Variants in BMERB1 observed in about 807,000 individuals in gnomAD.
The protein encoded by BMERB1 is bMERB domain-containing protein 1.
Under a neutral mutation model 23.6 loss-of-function variants are expected in BMERB1, and 12 were observed. The observed-to-expected ratio is 0.51, with a 90% CI of 0.33 to 0.82. The LOEUF is 0.82. Ranked by LOEUF, BMERB1 falls within the 40% of genes least tolerant of loss-of-function variation. The pLI is 0.03. For synonymous variants in BMERB1, 122 were observed against 96.6 expected (o/e 1.26, Z -1.54); for missense variants, 247 against 255.4 (o/e 0.97, Z 0.22).
intron 1 of BMERB1, among the ~76,000 whole-genome samples, chr16:15,463,909 T>G (rs1598452711): frequency 6.6e-6 from 1 of 151,936 alleles, no homozygotes; most frequent in East Asian, 1.9e-4. Flanking sequence ...CATAAAACTA[T>G]TACTGGAAAG....
At chr16:15,570,808 T>C (rs1223189408) in intron 3 of BMERB1, among the ~76,000 whole-genome samples, 1 of 151,984 alleles carries the variant, frequency 6.6e-6, no homozygotes, top group Admixed American at 6.5e-5. Context: ...GGGTGGGCAA[T>C]TCCCACAACT....
At chr16:15,462,210 G>T (rs905851781) in intron 1 of BMERB1, among the ~76,000 whole-genome samples, 1 of 133,850 alleles carries the variant, frequency 7.5e-6, no homozygotes, top group African/African-American at 2.8e-5. Flanking sequence ...GGAGTGCAAT[G>T]GCGCCATCTT....
intron 1 of BMERB1, among the ~76,000 whole-genome samples, chr16:15,498,294 T>TG (rs1388113787): frequency 1.3e-5 from 2 of 151,944 alleles, no homozygotes; most frequent in African/African-American, 4.8e-5. Context: ...CCCATCAGCT[T>TG]GGGGGTCTGA....
chr16:15,489,936 G>C (rs372946801), intron 1 of BMERB1, among the ~76,000 whole-genome samples: 1 of 151,762 alleles, frequency 6.6e-6, no homozygotes, highest in African/African-American at 2.4e-5. Flanking sequence ...GCTCGATCTC[G>C]GCTGGCTGCA....
intron 2 of BMERB1, among the ~76,000 whole-genome samples, chr16:15,536,362 C>T (rs1002167776): frequency 5.3e-5 from 8 of 152,116 alleles, no homozygotes; most frequent in African/African-American, 1.7e-4. Flanking sequence ...ACCCCTCTAC[C>T]TGTTTCCCCT....
At position 15,568,001 on chromosome 16, in the gene BMERB1, C is replaced by G; in HGVS notation, c.249C>G (p.Leu83=). The G allele has an allele frequency of 6.2e-7, 1 of 1,614,016 alleles. No individual in the cohort carries two copies. Among genetic ancestry groups the G allele is most frequent in the East Asian group, 2.2e-5 (1 of 44,880 alleles). Residue 83 remains leucine, a synonymous_variant, in exon 3 of 6, where the codon CTC becomes CTG. Coordinates refer to ENST00000300006, the MANE Select transcript of BMERB1 (RefSeq NM_033201.3). ...ELRFMMDDIQ[L]CKDIMDLKQE... is the part of the protein sequence containing the mutation. ...TCCCCAGGATGGATGACATCCAGCT[C>G]TGCAAGGACATCATGGACTTGAAGC...
chr16:15,583,685 G>A (rs1454017923), intron 5 of BMERB1, among the ~76,000 whole-genome samples: 3 of 152,186 alleles, frequency 2.0e-5, no homozygotes, highest in Admixed American at 6.5e-5. Context: ...TTCAGCATGG[G>A]ATGACAGCAG....
At chr16:15,550,767 CTCTGGAGTTAG>C (rs2030066418) in intron 2 of BMERB1, among the ~76,000 whole-genome samples, 1 of 152,184 alleles carries the variant, frequency 6.6e-6, no homozygotes, top group Non-Finnish European at 1.5e-5. Flanking sequence ...ATTGTCAGGG[CTCTGGAGTTAG>C]ACTGTCTTCT....
intron 1 of BMERB1, among the ~76,000 whole-genome samples, chr16:15,456,635 A>G (rs1157566505): frequency 1.3e-5 from 2 of 151,944 alleles, no homozygotes; most frequent in South Asian, 4.2e-4. Flanking sequence ...CAAAAAAAGT[A>G]TCTTGTGTTT....
chr16:15,482,818 A>C (rs1304783193), intron 1 of BMERB1, among the ~76,000 whole-genome samples: 2 of 152,228 alleles, frequency 1.3e-5, no homozygotes, highest in Non-Finnish European at 2.9e-5. Flanking sequence ...TATTTTATTC[A>C]GCATTTATCC....
intron 1 of BMERB1, among the ~76,000 whole-genome samples, chr16:15,462,679 A>T (rs2051146160): frequency 6.6e-6 from 1 of 152,192 alleles, no homozygotes; most frequent in Non-Finnish European, 1.5e-5. Flanking sequence ...AGCGTTCAAG[A>T]GTCTGAGAGA....
intron 2 of BMERB1, among the ~76,000 whole-genome samples, chr16:15,557,103 A>G (rs1186126352): frequency 2.6e-5 from 4 of 152,130 alleles, no homozygotes; most frequent in Admixed American, 2.6e-4. Context: ...GTAAAGCAGC[A>G]GCTCTATTAT....
chr16:15,559,900 ATACACT>A (rs1213647164), intron 2 of BMERB1, among the ~76,000 whole-genome samples: 92 of 152,156 alleles, frequency 6.0e-4, no homozygotes, highest in Admixed American at 6.0e-3. Context: ...CACACATAAA[ATACACT>A]TATAGTAACA....
chr16:15,563,976 T>C (rs1032138648), intron 2 of BMERB1, among the ~76,000 whole-genome samples: 4 of 152,172 alleles, frequency 2.6e-5, no homozygotes, highest in Non-Finnish European at 5.9e-5. Context: ...GTTCTCACTC[T>C]TTTAGTTCCT....
rs564418949 is a variant in BMERB1 at position 15,584,834 on chromosome 16, C to T, written c.502+1596C>T. 2.1e-3 allele frequency among the ~76,000 whole-genome samples: 318 copies of T among 152,244 alleles called. 4 individuals are homozygous for T. The highest frequency in any genetic ancestry group is 7.3e-3 in the African/African-American group (304 of 41,536). On this transcript the variant is annotated intron_variant, in intron 5 of 5. Coordinates refer to ENST00000300006, the MANE Select transcript of BMERB1 (RefSeq NM_033201.3). ...TACCACAGGTTCTTTTCCCTGGTAT[C>T]GAAATACATAAGTCTCAGGGAAATA...
At chr16:15,530,029 C>T (rs1233418051) in intron 2 of BMERB1, among the ~76,000 whole-genome samples, 1 of 152,148 alleles carries the variant, frequency 6.6e-6, no homozygotes, top group Non-Finnish European at 1.5e-5. Context: ...TCATTCATTC[C>T]AGCTTCTAGA....
At chr16:15,502,191 TG>T (rs2051537217) in intron 1 of BMERB1, 9 of 1,155,152 alleles carry the variant, frequency 7.8e-6, no homozygotes, top group Non-Finnish European at 1.1e-5. Context: ...TTGTGTCCTT[TG>T]ACACGTCAGA....
intron 1 of BMERB1, among the ~76,000 whole-genome samples, chr16:15,464,312 T>TAA (rs528828210): frequency 0.013 from 1,322 of 103,944 alleles, 27 homozygotes; most frequent in African/African-American, 0.046. Context: ...GACTTCATCT[T>TAA]AAAAAAAAAA....
At chr16:15,581,444 C>T in intron 4 of BMERB1, 113 bp downstream of exon 4, 6 of 786,312 alleles carry the variant, frequency 7.6e-6, no homozygotes, top group Non-Finnish European at 1.2e-5. Flanking sequence ...CAGGCATGGC[C>T]TTGATCCACA....
Sources: allele counts gnomAD v4.1 joint callset (sites outside exome capture counted in the v4.1 genomes callset), GRCh38; gene constraint gnomAD v4.1.1; transcripts MANE v1.5; gene names NCBI Gene and HGNC (gene_info 2026-07-23, HGNC 2026-07-21).